Variants in SCN4A observed in about 807,000 individuals in gnomAD.
SCN4A encodes the protein sodium channel protein type 4 subunit alpha.
A neutral mutation model predicts 162.0 loss-of-function variants in SCN4A; 83 were observed. That is an observed-to-expected ratio of 0.51 (90% CI 0.43 to 0.61). The LOEUF (loss-of-function observed/expected upper bound fraction) is 0.61, where lower values mean the gene tolerates loss of function less well. Among genes scored for constraint, SCN4A ranks in the 20% least tolerant of loss-of-function variants. The pLI is 0.00. For missense variants in SCN4A, 2,196 were observed against 2,462.5 expected, an observed-to-expected ratio of 0.89 and a Z score of 2.29; for synonymous variants, 944 against 985.1, an observed-to-expected ratio of 0.96 and a Z score of 0.78.
chr17:63,951,643 C>T lies in SCN4A; in HGVS notation c.2634G>A (p.Glu878=), dbSNP rs1484695628. The T allele has an allele frequency of 6.2e-7, 1 of 1,606,924 alleles. No individual in the cohort carries two copies. Among genetic ancestry groups the T allele is most frequent in the Non-Finnish European group, 8.5e-7 (1 of 1,176,524 alleles). Residue 878 remains glutamate, a synonymous_variant, in exon 14 of 24, where the codon GAG becomes GAA. Transcript: ENST00000435607. This position sits in a 1 kb window ranked among gnomAD's most constrained non-coding sequence, Gnocchi z 4.5. ...GEAGETAPED[E]KKEPPEEDLK... The stretch of plus-strand genomic sequence containing the variant: ...GGTCCTCCTCGGGCGGCTCCTTCTT[C>T]TCATCCTCGGGGGCAGTCTCCCCCG...
In SCN4A at chr17:63,971,859, G is replaced by T. The variant is rs201552497; in HGVS notation, c.483-9C>A. The stretch of plus-strand genomic sequence containing the variant: ...TCCCTGTGAAGGTGTACCTGGGGGG[G>T]AGAGGGCCGGCCGGGACAGGCATGT... On this transcript the variant is annotated splice_polypyrimidine_tract_variant and intron_variant, in intron 3 of 23. Transcript: ENST00000435607. The T allele has an allele frequency of 1.1e-4, 160 of 1,503,856 alleles. No individual in the cohort carries two copies. The highest frequency in any genetic ancestry group is 1.7e-4 in the Admixed American group (9 of 52,590). 93.2% of individuals were successfully genotyped at this position (1,503,856 alleles called of 1,614,324 possible). A position where few individuals can be genotyped will look rare whatever the true frequency, so the allele number is the denominator to read the frequency against.
rs765644422 is a variant in SCN4A, at chr17:63,940,906, C to T, written c.5376G>A (p.Pro1792=). ...HENGNSSSPS[P]EEKGEAGDAG... ...CGTCCCCTGCCTCGCCCTTCTCCTC[C>T]GGGCTTGGCGAGCTGCTGTTCCCAT... is the stretch of plus-strand genomic sequence containing the variant. Residue 1792 remains proline (P), a synonymous_variant, in exon 24 of 24, where the codon CCG becomes CCA. Transcript: ENST00000435607. 35 of 1,613,954 alleles carry T rather than the reference C, an allele frequency of 2.2e-5. No individual in the cohort carries two copies. Among genetic ancestry groups the T allele is most frequent in the Middle Eastern group, 1.6e-4 (1 of 6,062 alleles).
In SCN4A at chr17:63,944,648, C is replaced by T. The variant is rs1908653332; in HGVS notation, c.3912+25G>A. 2.9e-5 allele frequency: 46 copies of T among 1,582,214 alleles called. No homozygotes were observed. The highest frequency in any genetic ancestry group is 3.9e-5 in the Non-Finnish European group (45 of 1,163,768). ...GGAGGGAGGCCCAGCACCGGGAGGG[C>T]CCGAGGGGCTGGGCTGATACTCATC... On this transcript the variant is annotated intron_variant, in intron 21 of 23. Transcript: ENST00000435607. The surrounding 1 kb of genome is among the most constrained non-coding windows in gnomAD (Gnocchi z 4.3).
chr17:63,949,088 A>G lies in SCN4A; in HGVS notation c.2989+305T>C, dbSNP rs1057477185. Among the ~76,000 whole-genome samples, 15 of 152,066 alleles carry G rather than the reference A, an allele frequency of 9.9e-5. 1 individual carries two copies. Among genetic ancestry groups the G allele is most frequent in the Non-Finnish European group, 1.5e-5 (1 of 68,014 alleles). ...CATCCTGCACAGCCCAGCAAGCTCTATGGACAAGGACATTTCTCCAGTGCC... is the reference window on the plus strand; with the variant it reads ...CATCCTGCACAGCCCAGCAAGCTCTGTGGACAAGGACATTTCTCCAGTGCC... On this transcript the variant is annotated intron_variant, in intron 15 of 23. Transcript: ENST00000435607.
At chr17:63,959,494 A>G in intron 11 of SCN4A, 56 bp from the exon 12 acceptor site, 1 of 1,546,172 alleles carries the variant, frequency 6.5e-7, no homozygotes. Flanking sequence ...GGGCCCTGGA[A>G]GTCTCCCACC....
At chr17:63,948,238 T>C (rs970143720) in intron 16 of SCN4A, among the ~76,000 whole-genome samples, 175 bp from the exon 17 acceptor site, 1 of 152,056 alleles carries the variant, frequency 6.6e-6, no homozygotes, top group African/African-American at 2.4e-5. Context: ...GATGAGAGCG[T>C]TTCCCAGTGG....
chr17:63,948,844 C>A, intron 15 of SCN4A, 79 bp from the exon 16 acceptor site: 1 of 1,318,486 alleles, frequency 7.6e-7, no homozygotes, highest in Non-Finnish European at 1.0e-6. Flanking sequence ...TCAGCGCCCT[C>A]CCATGGCATC....
intron 13 of SCN4A, among the ~76,000 whole-genome samples, chr17:63,952,727 G>A (rs916043172): frequency 1.4e-5 from 2 of 148,048 alleles, no homozygotes; most frequent in Non-Finnish European, 2.9e-5. Context: ...ACATCCCTAC[G>A]GAAAGACTTA....
intron 22 of SCN4A, 80 bp from the exon 23 acceptor site, chr17:63,943,176 G>A: frequency 7.0e-7 from 1 of 1,436,462 alleles, no homozygotes; most frequent in Non-Finnish European, 9.6e-7. Context: ...GGAGGCACAG[G>A]ATGGCACCAC....
chr17:63,957,073 T>G (rs1909090829), intron 13 of SCN4A, 89 bp downstream of exon 13: 3 of 869,078 alleles, frequency 3.5e-6, no homozygotes, highest in Non-Finnish European at 5.3e-6. Context: ...GGAGAGGATG[T>G]GTTGGGGAGA....
chr17:63,945,899 C>T lies in SCN4A; in HGVS notation c.3442-261G>A, dbSNP rs1328674901. 3.3e-5 allele frequency among the ~76,000 whole-genome samples: 5 copies of T among 152,042 alleles called. No homozygotes were observed. The highest frequency in any genetic ancestry group is 7.4e-5 in the Non-Finnish European group (5 of 67,990). On this transcript the variant is annotated intron_variant, in intron 18 of 23. Coordinates refer to ENST00000435607, the MANE Select transcript of SCN4A (RefSeq NM_000334.4). The surrounding 1 kb of genome is among the most constrained non-coding windows in gnomAD (Gnocchi z 4.4). ...CCCAGAGTAGGGGTGCTGGGTTTCT[C>T]TGGAAGCAGCCTGGTCACAGGTCAC...
chr17:63,945,338 AG>A lies in SCN4A; in HGVS notation c.3720+21del, dbSNP rs1567817987. 15 of 1,595,490 alleles carry A rather than the reference AG, an allele frequency of 9.4e-6. 2 individuals are homozygous for A. In the South Asian group the frequency reaches 1.6e-4, roughly 17 times the overall value. ...GGGCACCTCCATCCAGGTTCCCGGC[AG>A]GGGTGGTGGGTCACACTCACCACCT... is the stretch of plus-strand genomic sequence containing the variant. On this transcript the variant is annotated intron_variant, in intron 19 of 23. Coordinates refer to ENST00000435607, the MANE Select transcript of SCN4A (RefSeq NM_000334.4). The surrounding 1 kb of genome is among the most constrained non-coding windows in gnomAD (Gnocchi z 4.4).
At chr17:63,963,923 G>A in intron 9 of SCN4A, 98 bp from the exon 10 acceptor site, 2 of 1,189,918 alleles carry the variant, frequency 1.7e-6, no homozygotes, top group Non-Finnish European at 2.3e-6. Flanking sequence ...CTTCAGGGTG[G>A]CAGCCCCTCT....
At chr17:63,952,872 C>T (rs1461446872) in intron 13 of SCN4A, among the ~76,000 whole-genome samples, 2 of 152,172 alleles carry the variant, frequency 1.3e-5, no homozygotes, top group Non-Finnish European at 2.9e-5. Context: ...GCAGATCAAT[C>T]ACATGCAATA....
Position 63,947,021 on chromosome 17 carries a change from C to A in SCN4A, c.3441+24G>T, listed in dbSNP as rs184338634. On this transcript the variant is annotated intron_variant, in intron 18 of 23. Transcript: ENST00000435607. ...GGCCGGTCCCCCATCCCCAGCCCAC[C>A]CCAGAGGCCCCTTCAGCACCCACCC... The A allele has an allele frequency of 1.2e-5, 19 of 1,588,110 alleles. No individual in the cohort carries two copies. In the East Asian group the frequency reaches 2.3e-4, roughly 19 times the overall value.
In SCN4A at chr17:63,940,471, A is replaced by G. The variant is rs2144772349; in HGVS notation, c.*300T>C. 7.9e-6 allele frequency: 3 copies of G among 378,480 alleles called. No individual in the cohort carries two copies. The highest frequency in any genetic ancestry group is 4.0e-5 in the East Asian group (1 of 24,908). The allele number at this position is 378,480 out of a possible 1,614,324, so 23.4% of individuals were successfully genotyped here. A position where few individuals can be genotyped will look rare whatever the true frequency, so the allele number is the denominator to read the frequency against. On this transcript the variant is annotated 3_prime_UTR_variant, in exon 24 of 24. Transcript: ENST00000435607. Reference sequence around the variant, plus strand: ...AGATTCGAATGTTCTGACCTCCCCCAGGCCAAAAGGAGGGGCGACAGGGCC... The same window carrying G: ...AGATTCGAATGTTCTGACCTCCCCCGGGCCAAAAGGAGGGGCGACAGGGCC...
In SCN4A at chr17:63,964,660, G is replaced by T; in HGVS notation, c.1260C>A (p.Gly420=). ...CCACGAAGAAGATCATGTAGGTCTT[G>T]CCAGCTGCTCGAAGGGTCTGGGAGT... ...NLFQLTLRAA[G]KTYMIFFVVI... is the part of the protein sequence containing the mutation. The change falls in exon 9 of 24, where the codon GGC becomes GGA. Residue 420 remains glycine, a synonymous_variant. Coordinates refer to ENST00000435607, the MANE Select transcript of SCN4A (RefSeq NM_000334.4). 2 of 1,608,688 alleles carry T rather than the reference G, an allele frequency of 1.2e-6. No homozygotes were observed. Among genetic ancestry groups the T allele is most frequent in the Non-Finnish European group, 1.7e-6 (2 of 1,178,014 alleles).
chr17:63,956,286 T>A (rs891287196), intron 13 of SCN4A, among the ~76,000 whole-genome samples: 5 of 152,236 alleles, frequency 3.3e-5, no homozygotes, highest in African/African-American at 9.6e-5. Context: ...TGCCCCCCCA[T>A]GCTGGAGTGC....
chr17:63,964,432 C>A, intron 9 of SCN4A, 36 bp downstream of exon 9: 1 of 1,597,224 alleles, frequency 6.3e-7, no homozygotes, highest in South Asian at 1.1e-5. Flanking sequence ...GCAGGTAGAA[C>A]CCTGGGTCCT....
Sources: allele counts gnomAD v4.1 joint callset (sites outside exome capture counted in the v4.1 genomes callset), GRCh38; gene constraint gnomAD v4.1.1; non-coding constraint Gnocchi (gnomAD v3.1); transcripts MANE v1.5; gene names NCBI Gene and HGNC (gene_info 2026-07-23, HGNC 2026-07-21).